The following SPIDR variants were observed in gnomAD, a reference collection of about 807,000 sequenced individuals.
The protein encoded by SPIDR is DNA repair-scaffolding protein.
A neutral mutation model predicts 104.6 loss-of-function variants in SPIDR; 93 were observed. The ratio of observed to expected loss-of-function variants is 0.89; its 90% CI spans 0.75 to 1.06. The LOEUF (loss-of-function observed/expected upper bound fraction) is 1.06, where lower values mean the gene tolerates loss of function less well. Ranked by LOEUF, SPIDR falls within the 50% of genes least tolerant of loss-of-function variation. The probability of loss-of-function intolerance (pLI) is 0.00; values close to 1 mark genes in which losing one functional copy is unlikely to be tolerated. For missense variants in SPIDR, 1,154 were observed against 1,111.2 expected, an observed-to-expected ratio of 1.04 and a Z score of -0.55; for synonymous variants, 431 against 416.9, an observed-to-expected ratio of 1.03 and a Z score of -0.41.
chr8:47,305,581 A>T (rs1414916453), intron 5 of SPIDR, among the ~76,000 whole-genome samples: 2 of 152,250 alleles, frequency 1.3e-5, no homozygotes, highest in Non-Finnish European at 2.9e-5. Flanking sequence ...GTGTATTATA[A>T]TCTTGCAGAA....
intron 10 of SPIDR, among the ~76,000 whole-genome samples, chr8:47,607,201 G>T (rs1368446023): frequency 6.6e-6 from 1 of 152,182 alleles, no homozygotes; most frequent in African/African-American, 2.4e-5. Flanking sequence ...GATTGTGAGT[G>T]CAGAGTATCA....
intron 3 of SPIDR, among the ~76,000 whole-genome samples, chr8:47,284,362 G>C (rs1485721900): frequency 6.6e-6 from 1 of 152,280 alleles, no homozygotes; most frequent in East Asian, 1.9e-4. Context: ...ACAGAGCCCA[G>C]TAGGTTAGCT....
intron 5 of SPIDR, among the ~76,000 whole-genome samples, chr8:47,359,679 G>A (rs1279529922): frequency 6.6e-6 from 1 of 152,076 alleles, no homozygotes; most frequent in Non-Finnish European, 1.5e-5. Context: ...ATTCTATAGC[G>A]GGTAGAGAGC....
chr8:47,337,586 T>C (rs1554610560), intron 5 of SPIDR, among the ~76,000 whole-genome samples: 1 of 152,140 alleles, frequency 6.6e-6, no homozygotes, highest in Non-Finnish European at 1.5e-5. Flanking sequence ...ATAAAAGTTT[T>C]TGTTTTTAGT....
chr8:47,689,576 A>G (rs2078329311), intron 11 of SPIDR, among the ~76,000 whole-genome samples: 1 of 152,242 alleles, frequency 6.6e-6, no homozygotes, highest in East Asian at 1.9e-4. Flanking sequence ...TCACTTTCAC[A>G]TGGCTCCCAA....
rs1256171478 is a variant in SPIDR, at chr8:47,491,409, T to C, written c.1097+50867T>C. 3.3e-5 allele frequency among the ~76,000 whole-genome samples: 5 copies of C among 152,078 alleles called. No homozygotes were observed. The East Asian group carries it at 9.6e-4, about 29-fold the overall frequency. On this transcript the variant is annotated intron_variant, in intron 8 of 19. Transcript: ENST00000297423. ...TATTTAGAATTAAACGGCCATGATA[T>C]CTGCAGTTTATTATCTGTGGTTCAG... is the stretch of plus-strand genomic sequence containing the variant.
At chr8:47,505,750 G>A (rs1248259101) in intron 8 of SPIDR, among the ~76,000 whole-genome samples, 2 of 152,198 alleles carry the variant, frequency 1.3e-5, no homozygotes, top group Non-Finnish European at 2.9e-5. Flanking sequence ...CGGTACAGCA[G>A]CATTTCAACT....
chr8:47,531,191 C>G (rs1486533833), intron 8 of SPIDR, among the ~76,000 whole-genome samples: 3 of 152,180 alleles, frequency 2.0e-5, no homozygotes, highest in African/African-American at 7.2e-5. Context: ...TGTACCCAAC[C>G]TTTTTTAAAA....
intron 5 of SPIDR, among the ~76,000 whole-genome samples, chr8:47,338,236 G>A (rs1554611180): frequency 6.6e-6 from 1 of 152,074 alleles, no homozygotes; most frequent in African/African-American, 2.4e-5. Flanking sequence ...GGTAAGCTTG[G>A]CCTGAAGATT....
At chr8:47,341,761 C>T (rs2050801464) in intron 5 of SPIDR, among the ~76,000 whole-genome samples, 1 of 152,206 alleles carries the variant, frequency 6.6e-6, no homozygotes, top group South Asian at 2.1e-4. Flanking sequence ...TTCCTGTGTG[C>T]ATCCAGGAGC....
intron 8 of SPIDR, among the ~76,000 whole-genome samples, chr8:47,564,369 G>A (rs201845008): frequency 2.7e-5 from 4 of 150,866 alleles, no homozygotes; most frequent in Middle Eastern, 3.4e-3. Context: ...GAGCCACCAC[G>A]CCCGACTTTT....
chr8:47,713,745 AG>A, intron 16 of SPIDR, 104 bp downstream of exon 16: 1 of 1,435,648 alleles, frequency 7.0e-7, no homozygotes, highest in East Asian at 2.4e-5. Context: ...GCACCCGCTA[AG>A]TTCCAGACAC....
rs149529592 is a variant in SPIDR, at chr8:47,654,776, G to A, written c.1545-19025G>A. ...GTTTTAGGGTACATGTGCACAATGT[G>A]CAGGTTTGTTACATATGTATACACG... On this transcript the variant is annotated intron_variant, in intron 10 of 19. Coordinates refer to ENST00000297423, the MANE Select transcript of SPIDR (RefSeq NM_001080394.4). Among the ~76,000 whole-genome samples the A allele has an allele frequency of 3.1e-3, 473 of 152,134 alleles. 2 individuals carry two copies. Among genetic ancestry groups the A allele is most frequent in the African/African-American group, 0.011 (456 of 41,482 alleles).
chr8:47,488,639 A>G (rs957377434), intron 8 of SPIDR, among the ~76,000 whole-genome samples: 45 of 152,330 alleles, frequency 3.0e-4, no homozygotes, highest in African/African-American at 1.1e-3. Context: ...AGCCCATCAA[A>G]AAGCTTATCC....
At chr8:47,475,730 A>G (rs1165957576) in intron 8 of SPIDR, among the ~76,000 whole-genome samples, 1 of 152,206 alleles carries the variant, frequency 6.6e-6, no homozygotes, top group Non-Finnish European at 1.5e-5. Context: ...ACTAGAGCCA[A>G]GAAGACACAT....
chr8:47,461,121 C>CA (rs782161537), intron 8 of SPIDR, among the ~76,000 whole-genome samples: 19 of 152,180 alleles, frequency 1.2e-4, no homozygotes, highest in Non-Finnish European at 2.6e-4. Flanking sequence ...AACCTGATGA[C>CA]AGTATGCCTA....
chr8:47,660,412 C>G, intron 10 of SPIDR: 1 of 981,992 alleles, frequency 1.0e-6, no homozygotes, highest in South Asian at 4.7e-5. Flanking sequence ...TCATCTGGCA[C>G]CAGTTTTAAT....
intron 11 of SPIDR, among the ~76,000 whole-genome samples, chr8:47,692,320 C>T (rs974371285): frequency 8.6e-5 from 13 of 152,042 alleles, no homozygotes; most frequent in East Asian, 1.9e-4. Context: ...GCAGGAGCTC[C>T]GCACTTTCTC....
At chr8:47,278,563 C>A (rs1256890777) in intron 1 of SPIDR, among the ~76,000 whole-genome samples, 2 of 151,996 alleles carry the variant, frequency 1.3e-5, no homozygotes, top group Non-Finnish European at 2.9e-5. Context: ...GGACAGTAAT[C>A]ACATTTGTGG....
Sources: allele counts gnomAD v4.1 joint callset (sites outside exome capture counted in the v4.1 genomes callset), GRCh38; gene constraint gnomAD v4.1.1; transcripts MANE v1.5; gene names NCBI Gene and HGNC (gene_info 2026-07-23, HGNC 2026-07-21).